Variants in ARFGAP2 observed in about 807,000 individuals in gnomAD.
ARFGAP2 encodes ARF GTPase activating protein 2, also known as ADP-ribosylation factor GTPase-activating protein 2.
A neutral mutation model predicts 71.9 loss-of-function variants in ARFGAP2; 45 were observed. The observed-to-expected ratio is 0.63, with a 90% CI of 0.49 to 0.80. The LOEUF (loss-of-function observed/expected upper bound fraction) is 0.80. ARFGAP2 is among the 30% of genes least tolerant of loss of function. ARFGAP2 has a pLI of 0.00. For synonymous variants in ARFGAP2, 248 were observed against 249.2 expected, an observed-to-expected ratio of 1.00 and a Z score of 0.05; for missense variants, 633 against 673.9, an observed-to-expected ratio of 0.94 and a Z score of 0.67.
intron 3 of ARFGAP2, 173 bp from the exon 4 acceptor site, chr11:47,175,486 A>C (rs1590962681): frequency 9.7e-7 from 1 of 1,031,736 alleles, no homozygotes; most frequent in Non-Finnish European, 1.4e-6. Context: ...TGCAAAAAAC[A>C]CCTTGCAGCG....
intron 15 of ARFGAP2, 31 bp from the exon 16 acceptor site, chr11:47,165,533 A>G (rs1400231923): frequency 1.3e-6 from 2 of 1,552,026 alleles, no homozygotes; most frequent in Admixed American, 2.0e-5. Context: ...AAAAAAAAAA[A>G]AAGTCAGAGG....
intron 2 of ARFGAP2, 60 bp from the exon 3 acceptor site, chr11:47,175,983 C>A: frequency 3.2e-6 from 5 of 1,576,110 alleles, no homozygotes; most frequent in Non-Finnish European, 4.3e-6. Context: ...CCCTGGCAAC[C>A]CGGATACCTG....
At position 47,175,054 on chromosome 11, in the gene ARFGAP2, T is replaced by C; in HGVS notation, c.441A>G (p.Pro147=). The change falls in exon 5 of 16, where the codon CCA becomes CCG. Residue 147 remains proline (P), a synonymous_variant. Transcript: ENST00000524782. ...TGAAGAAATCAGAGTCCTTCTTCTC[T>C]GGGGAGTGATTAGGAACGGCACTAC... ...NMSSAVPNHS[P]EKKDSDFFTE... The C allele has an allele frequency of 6.2e-7, 1 of 1,614,196 alleles. No homozygotes were observed. Among genetic ancestry groups the C allele is most frequent in the South Asian group, 1.1e-5 (1 of 91,084 alleles).
chr11:47,165,510 C>T lies in ARFGAP2; in HGVS notation c.1546-8G>A, dbSNP rs200798301. The T allele has an allele frequency of 1.3e-4, 187 of 1,477,302 alleles. No homozygotes were observed. The highest frequency in any genetic ancestry group is 2.0e-4 in the Middle Eastern group (1 of 4,962). 91.5% of individuals were successfully genotyped at this position (1,477,302 alleles called of 1,614,324 possible). A position where few individuals can be genotyped will look rare whatever the true frequency, so the allele number is the denominator to read the frequency against. On this transcript the variant is annotated splice_region_variant and splice_polypyrimidine_tract_variant and intron_variant, in intron 15 of 15. Transcript: ENST00000524782. ...GTAGGAACCGTAGCGATCCTGGGGGCGAGGGGGGAGAAAAAAAAAAAAAAA... is the reference window on the plus strand; with the variant it reads ...GTAGGAACCGTAGCGATCCTGGGGGTGAGGGGGGAGAAAAAAAAAAAAAAA...
chr11:47,175,985 G>A (rs980981298), intron 2 of ARFGAP2, 62 bp from the exon 3 acceptor site: 5 of 1,570,842 alleles, frequency 3.2e-6, no homozygotes, highest in Non-Finnish European at 3.5e-6. Flanking sequence ...CTGGCAACCC[G>A]GATACCTGTC....
At position 47,166,568 on chromosome 11, in the gene ARFGAP2, G is replaced by A. The variant is rs368540395; in HGVS notation, c.1364C>T (p.Ser455Leu). The change falls in exon 14 of 16, where the codon TCA (serine) becomes TTA (leucine). Residue 455 changes from serine to leucine, a missense_variant. By Grantham distance (145) the Ser-to-Leu change is moderately radical. Transcript: ENST00000524782. ...YEARSRLQQL[S>L]GSSAISSSDL... ...TGAAGAGCTGATGGCACTGCTGCCT[G>A]AGAGCTGCTGCAGCCGAGACCTGGC... 34 of 1,612,206 alleles carry A rather than the reference G, an allele frequency of 2.1e-5. No homozygotes were observed. The highest frequency in any genetic ancestry group is 2.7e-5 in the Non-Finnish European group (32 of 1,180,020).
At chr11:47,171,860 G>A (rs1952613993) in intron 8 of ARFGAP2, 60 bp from the exon 9 acceptor site, 1 of 1,593,458 alleles carries the variant, frequency 6.3e-7, no homozygotes, top group South Asian at 1.1e-5. Context: ...TCCCTCCCAG[G>A]TTCAGGCACT....
At chr11:47,173,107 A>G in intron 7 of ARFGAP2, 1 of 423,110 alleles carries the variant, frequency 2.4e-6, no homozygotes, top group South Asian at 2.2e-5. Flanking sequence ...CAGACAAGCC[A>G]GCCCTGCCTC....
chr11:47,170,841 G>A (rs1565127318), intron 10 of ARFGAP2, among the ~76,000 whole-genome samples: 2 of 152,238 alleles, frequency 1.3e-5, no homozygotes, highest in South Asian at 2.1e-4. Context: ...AGCTATTTGG[G>A]AGGCTGAAGT....
intron 12 of ARFGAP2, among the ~76,000 whole-genome samples, chr11:47,167,658 A>G (rs1206628853): frequency 6.6e-6 from 1 of 152,184 alleles, no homozygotes; most frequent in Non-Finnish European, 1.5e-5. Context: ...CTGTCTAATG[A>G]GGCAGGCACC....
chr11:47,168,478 C>A lies in ARFGAP2; in HGVS notation c.942-227G>T, dbSNP rs370672242. 1.7e-5 allele frequency: 8 copies of A among 470,472 alleles called. No homozygotes were observed. In the South Asian group the frequency reaches 2.5e-4, roughly 15 times the overall value. The allele number at this position is 470,472 out of a possible 1,614,324, so 29.1% of individuals were successfully genotyped here. ...TTACACATCAGCTTTGTTTATTCCA[C>A]GTAGGAGTTCCCTGGCCAGTGACGG... On this transcript the variant is annotated intron_variant, in intron 10 of 15. Transcript: ENST00000524782.
intron 7 of ARFGAP2, chr11:47,172,568 C>T (rs1049554440): frequency 9.2e-6 from 10 of 1,084,558 alleles, no homozygotes; most frequent in East Asian, 2.9e-5. Flanking sequence ...GCACCAGAGA[C>T]GTCCGAAGCA....
At position 47,168,122 on chromosome 11, in the gene ARFGAP2, C is replaced by G. The variant is rs1042416778; in HGVS notation, c.1070+1G>C. On this transcript the variant is annotated splice_donor_variant, in intron 11 of 15. Transcript: ENST00000524782. LOFTEE classifies it high-confidence loss of function. ...AGTTTACAGCTAGAAAACAGCCTTA[C>G]TTTGGGGGTCCAGAGGCGAAAGTAC... 1 of 1,614,216 alleles carries G rather than the reference C, an allele frequency of 6.2e-7. No individual in the cohort carries two copies. Among genetic ancestry groups the G allele is most frequent in the South Asian group, 1.1e-5 (1 of 91,086 alleles).
chr11:47,176,233 C>T (rs1952813910), intron 2 of ARFGAP2: 3 of 586,514 alleles, frequency 5.1e-6, no homozygotes, highest in Admixed American at 3.0e-5. Flanking sequence ...AACATATCAG[C>T]AACAACAAGG....
chr11:47,176,447 A>G, intron 2 of ARFGAP2, 69 bp downstream of exon 2: 5 of 1,443,756 alleles, frequency 3.5e-6, no homozygotes, highest in Non-Finnish European at 4.8e-6. Flanking sequence ...CGAGGCAGCC[A>G]CTCTCCCTTG....
chr11:47,175,991 C>T (rs573867926), intron 2 of ARFGAP2, 68 bp from the exon 3 acceptor site: 2 of 1,555,812 alleles, frequency 1.3e-6, no homozygotes, highest in South Asian at 1.1e-5. Flanking sequence ...ACCCGGATAC[C>T]TGTCACTTGG....
rs752740631 is a variant in ARFGAP2, at chr11:47,176,765, GC to G, written c.72+16del. 9.9e-6 allele frequency: 16 copies of G among 1,613,716 alleles called. No individual in the cohort carries two copies. The highest frequency in any genetic ancestry group is 2.5e-6 in the Non-Finnish European group (3 of 1,179,864). On this transcript the variant is annotated intron_variant, in intron 1 of 15. Coordinates refer to ENST00000524782, the MANE Select transcript of ARFGAP2 (RefSeq NM_032389.6). ...CCCAGCGGGACGAGAGACTCCGCGC[GC>G]CCCCTGCTCACGCACCTTGTTGGTT...
chr11:47,165,878 GT>G (rs370719904), intron 15 of ARFGAP2, among the ~76,000 whole-genome samples: 16 of 149,664 alleles, frequency 1.1e-4, no homozygotes, highest in Non-Finnish European at 1.2e-4. Flanking sequence ...TTCGTTTGTG[GT>G]TTTTTTTTTG....
intron 10 of ARFGAP2, among the ~76,000 whole-genome samples, chr11:47,170,784 A>G (rs1259570750): frequency 6.6e-6 from 1 of 152,006 alleles, no homozygotes; most frequent in Non-Finnish European, 1.5e-5. Context: ...TGTCTCTACA[A>G]AAAGTAAAAA....
Sources: allele counts gnomAD v4.1 joint callset (sites outside exome capture counted in the v4.1 genomes callset), GRCh38; gene constraint gnomAD v4.1.1; transcripts MANE v1.5; gene names NCBI Gene and HGNC (gene_info 2026-07-23, HGNC 2026-07-21).